The following TOPAZ1 variants were observed in gnomAD, a reference collection of about 807,000 sequenced individuals.
TOPAZ1 encodes protein TOPAZ1.
In TOPAZ1, 66 loss-of-function variants were observed where a neutral mutation model predicts 172.2. The ratio of observed to expected loss-of-function variants is 0.38; its 90% CI spans 0.31 to 0.47. TOPAZ1 has a LOEUF of 0.47. TOPAZ1 is among the 20% of genes least tolerant of loss of function. TOPAZ1 has a pLI of 0.99. For synonymous variants in TOPAZ1, 681 were observed against 683.9 expected (o/e 1.00, Z 0.07); for missense variants, 1,822 against 1,972.4 (o/e 0.92, Z 1.44).
rs114599030 is a variant in TOPAZ1 at position 44,328,497 on chromosome 3, G to T, written c.4859+64G>T. On this transcript the variant is annotated intron_variant, in intron 19 of 19. Coordinates refer to ENST00000309765, the MANE Select transcript of TOPAZ1 (RefSeq NM_001145030.2). ...TCATGACTCCCCACACCCACCCTAAGATGTAAATGTTTTATGTGTTTTTAT... is the reference window on the plus strand; with the variant it reads ...TCATGACTCCCCACACCCACCCTAATATGTAAATGTTTTATGTGTTTTTAT... 2.1e-3 allele frequency: 1,863 copies of T among 889,468 alleles called. 28 individuals carry two copies. In the African/African-American group the frequency reaches 0.031, roughly 15 times the overall value. The allele number at this position is 889,468 out of a possible 1,614,324, so 55.1% of individuals were successfully genotyped here. A position where few individuals can be genotyped will look rare whatever the true frequency, so the allele number is the denominator to read the frequency against.
intron 13 of TOPAZ1, 39 bp from the exon 14 acceptor site, chr3:44,305,108 T>A: frequency 7.2e-7 from 1 of 1,398,318 alleles, no homozygotes; most frequent in Non-Finnish European, 9.6e-7. Flanking sequence ...TAGTTTTCAT[T>A]CTTTTTCTTT....
intron 9 of TOPAZ1, among the ~76,000 whole-genome samples, chr3:44,284,777 C>T (rs770874113): frequency 3.3e-5 from 5 of 152,082 alleles, no homozygotes; most frequent in Non-Finnish European, 5.9e-5. Context: ...TGAAGTATAG[C>T]AATTAGCAAT....
intron 19 of TOPAZ1, among the ~76,000 whole-genome samples, 167 bp from the exon 20 acceptor site, chr3:44,331,625 C>A (rs563292910): frequency 1.3e-5 from 2 of 152,146 alleles, no homozygotes; most frequent in Non-Finnish European, 2.9e-5. Flanking sequence ...GGCCAAAATG[C>A]CTTTCTTACT....
At position 44,245,283 on chromosome 3, in the gene TOPAZ1, C is replaced by T. The variant is rs1271208286; in HGVS notation, c.2765+12C>T. 1 of 1,510,836 alleles carries T rather than the reference C, an allele frequency of 6.6e-7. No individual in the cohort carries two copies. The highest frequency in any genetic ancestry group is 1.4e-5 in the African/African-American group (1 of 71,006). The allele number at this position is 1,510,836 out of a possible 1,614,324, so 93.6% of individuals were successfully genotyped here. A position where few individuals can be genotyped will look rare whatever the true frequency, so the allele number is the denominator to read the frequency against. ...AGTGATGACTTAAGGTATGCATGTT[C>T]AAGTATTCCTTTTAGTGCAGATTGT... On this transcript the variant is annotated intron_variant, in intron 2 of 19. Transcript: ENST00000309765.
At chr3:44,299,543 G>A (rs994351426) in intron 12 of TOPAZ1, among the ~76,000 whole-genome samples, 35 of 152,062 alleles carry the variant, frequency 2.3e-4, no homozygotes, top group Admixed American at 7.9e-4. Context: ...AGTCAGTGTG[G>A]CGATTCCTCA....
At chr3:44,317,386 A>C (rs1410300250) in intron 16 of TOPAZ1, among the ~76,000 whole-genome samples, 1 of 152,216 alleles carries the variant, frequency 6.6e-6, no homozygotes, top group Non-Finnish European at 1.5e-5. Context: ...GCGGCACTGC[A>C]CTTCAGCCTG....
At chr3:44,283,135 C>T (rs564253071) in intron 9 of TOPAZ1, among the ~76,000 whole-genome samples, 13 of 152,196 alleles carry the variant, frequency 8.5e-5, no homozygotes, top group Admixed American at 6.5e-4. Context: ...AGGAAAAATA[C>T]TTCTGAATTT....
At chr3:44,299,243 A>C (rs142445914) in intron 12 of TOPAZ1, among the ~76,000 whole-genome samples, 4 of 152,110 alleles carry the variant, frequency 2.6e-5, no homozygotes, top group South Asian at 2.1e-4. Flanking sequence ...TGAAAGTCTC[A>C]AAATTCAATA....
chr3:44,265,981 A>G (rs1699825988), intron 5 of TOPAZ1, among the ~76,000 whole-genome samples: 1 of 152,212 alleles, frequency 6.6e-6, no homozygotes, highest in South Asian at 2.1e-4. Flanking sequence ...AGTTTGTTGT[A>G]GCTTCCTTCA....
Position 44,269,268 on chromosome 3 carries a change from T to C in TOPAZ1, c.3213T>C (p.Thr1071=), listed in dbSNP as rs1345267585. 1.9e-6 allele frequency: 3 copies of C among 1,549,872 alleles called. No homozygotes were observed. Among genetic ancestry groups the C allele is most frequent in the Admixed American group, 2.0e-5 (1 of 50,924 alleles). The change falls in exon 7 of 20, where the codon ACT becomes ACC. Residue 1071 remains threonine, a synonymous_variant. Coordinates refer to ENST00000309765, the MANE Select transcript of TOPAZ1 (RefSeq NM_001145030.2). The part of the protein sequence containing the change: ...HSVLKLQNPE[T]CEIFKREKNV... Reference sequence around the variant, plus strand: ...TCCTAAAGCTGCAGAATCCTGAAACTTGTGAAATATTCAAGAGGGAAAAAA... The same window carrying C: ...TCCTAAAGCTGCAGAATCCTGAAACCTGTGAAATATTCAAGAGGGAAAAAA...
chr3:44,315,093 A>G (rs1016186333), intron 16 of TOPAZ1, among the ~76,000 whole-genome samples: 1 of 129,750 alleles, frequency 7.7e-6, no homozygotes, highest in African/African-American at 2.6e-5. Flanking sequence ...TATTTAGTAA[A>G]TATTAGTTGA....
chr3:44,250,243 C>CAAAAAA (rs35079686), intron 2 of TOPAZ1, among the ~76,000 whole-genome samples: 2 of 110,810 alleles, frequency 1.8e-5, no homozygotes, highest in Non-Finnish European at 3.6e-5. Context: ...CATGAAATGA[C>CAAAAAA]AAAAAAAAAA....
chr3:44,243,560 G>C lies in TOPAZ1; in HGVS notation c.1054G>C (p.Glu352Gln). The C allele has an allele frequency of 6.4e-7, 1 of 1,551,226 alleles. No individual in the cohort carries two copies. Among genetic ancestry groups the C allele is most frequent in the Non-Finnish European group, 8.7e-7 (1 of 1,146,958 alleles). ...ETVTEMNFSN[E>Q]YNKSELMLQE... ...AGTTACTGAGATGAACTTCTCTAAT[G>C]AGTATAACAAGTCTGAGTTGATGTT... Residue 352 changes from glutamate (E) to glutamine (Q), a missense_variant, in exon 2 of 20, where the codon GAG becomes CAG. Physicochemically the swap from Glu to Gln is conservative, Grantham distance 29. Coordinates refer to ENST00000309765, the MANE Select transcript of TOPAZ1 (RefSeq NM_001145030.2).
rs1700500823 is a variant in TOPAZ1 at position 44,320,979 on chromosome 3, G to A, written c.4307-48G>A. ...ACATTAGTTGTGATTATACTGTTAA[G>A]TGTCATTTTCATGGTATAAACTATT... On this transcript the variant is annotated intron_variant, in intron 16 of 19. Transcript: ENST00000309765. 4.1e-6 allele frequency: 5 copies of A among 1,220,732 alleles called. No homozygotes were observed. The African/African-American group carries it at 6.2e-5, about 15-fold the overall frequency. 75.6% of individuals were successfully genotyped at this position (1,220,732 alleles called of 1,614,324 possible).
intron 18 of TOPAZ1, among the ~76,000 whole-genome samples, chr3:44,324,893 T>C (rs1017023680): frequency 6.6e-6 from 1 of 152,206 alleles, no homozygotes; most frequent in Non-Finnish European, 1.5e-5. Context: ...TTAATGCCTG[T>C]GTACAATACA....
At chr3:44,262,003 A>G (rs996384199) in intron 4 of TOPAZ1, among the ~76,000 whole-genome samples, 3 of 152,228 alleles carry the variant, frequency 2.0e-5, no homozygotes, top group Non-Finnish European at 4.4e-5. Context: ...TACTTGTGAA[A>G]TGTAAGTATA....
chr3:44,256,316 C>A, intron 4 of TOPAZ1, 38 bp downstream of exon 4: 3 of 1,501,860 alleles, frequency 2.0e-6, no homozygotes, highest in South Asian at 1.3e-5. Context: ...ATTTCTTGGT[C>A]TTAAATAGTG....
Position 44,243,098 on chromosome 3 carries a change from T to C in TOPAZ1, c.592T>C (p.Phe198Leu), listed in dbSNP as rs1699507095. The C allele has an allele frequency of 6.5e-7, 1 of 1,548,154 alleles. No individual in the cohort carries two copies. The highest frequency in any genetic ancestry group is 2.0e-5 in the Admixed American group (1 of 50,656). The part of the protein sequence containing the change: ...NEATQNIKVE[F>L]QDELYKNTPK... ...GGCTACACAAAATATTAAGGTTGAA[T>C]TCCAAGATGAACTGTACAAGAATAC... is the stretch of plus-strand genomic sequence containing the variant. Residue 198 changes from phenylalanine (F) to leucine (L), a missense_variant, in exon 2 of 20, where the codon TTC becomes CTC. Coordinates refer to ENST00000309765, the MANE Select transcript of TOPAZ1 (RefSeq NM_001145030.2).
rs144391591 is a variant in TOPAZ1 at position 44,272,591 on chromosome 3, T to C, written c.3372+1781T>C. Among the ~76,000 whole-genome samples, 560 of 152,326 alleles carry C rather than the reference T, an allele frequency of 3.7e-3. 2 individuals are homozygous for C. The highest frequency in any genetic ancestry group is 0.013 in the African/African-American group (531 of 41,560). ...TTGCCCTTTTTTTTGAGGCAGAGTC[T>C]TGCTCTGTTGCCCAGGCTGGAGTAC... On this transcript the variant is annotated intron_variant, in intron 8 of 19. Transcript: ENST00000309765.
Sources: allele counts gnomAD v4.1 joint callset (sites outside exome capture counted in the v4.1 genomes callset), GRCh38; gene constraint gnomAD v4.1.1; transcripts MANE v1.5; gene names NCBI Gene and HGNC (gene_info 2026-07-23, HGNC 2026-07-21).